Variants in LRP11 observed in about 807,000 individuals in gnomAD.
The protein encoded by LRP11 is LDL receptor related protein 11, also known as low-density lipoprotein receptor-related protein 11.
A neutral mutation model predicts 43.1 loss-of-function variants in LRP11; 25 were observed. The observed-to-expected ratio is 0.58, with a 90% CI of 0.42 to 0.81. LRP11 has a LOEUF of 0.81. Among genes scored for constraint, LRP11 ranks in the 30% least tolerant of loss-of-function variants. LRP11 has a pLI of 0.00. For synonymous variants in LRP11, 316 were observed against 299.4 expected, an observed-to-expected ratio of 1.06 and a Z score of -0.57; for missense variants, 623 against 665.1, an observed-to-expected ratio of 0.94 and a Z score of 0.70.
At position 149,819,109 on chromosome 6, in the gene LRP11, C is replaced by G. The variant is rs1277971553; in HGVS notation, c.*1440G>C. On this transcript the variant is annotated 3_prime_UTR_variant, in exon 7 of 7. Coordinates refer to ENST00000239367, the MANE Select transcript of LRP11 (RefSeq NM_032832.6). Reference sequence around the variant, plus strand: ...TAAACATTCAACAAAATTAGCTTCCCAAGAAACAAAAATGATACCCAATTT... The same window carrying G: ...TAAACATTCAACAAAATTAGCTTCCGAAGAAACAAAAATGATACCCAATTT... 6.6e-6 allele frequency: 1 copy of G among 152,126 alleles called. No homozygotes were observed. The highest frequency in any genetic ancestry group is 2.4e-5 in the African/African-American group (1 of 41,428). 9.4% of individuals were successfully genotyped at this position (152,126 alleles called of 1,614,324 possible).
intron 5 of LRP11, among the ~76,000 whole-genome samples, chr6:149,835,241 G>A (rs1776456145): frequency 6.6e-6 from 1 of 152,196 alleles, no homozygotes. Context: ...AGCCTCCAGA[G>A]TAGCTGGGAT....
intron 2 of LRP11, among the ~76,000 whole-genome samples, chr6:149,850,756 G>A (rs1206599820): frequency 6.6e-6 from 1 of 152,116 alleles, no homozygotes; most frequent in Non-Finnish European, 1.5e-5. Flanking sequence ...GAATCATTTG[G>A]TTACTATCAG....
At chr6:149,855,872 C>T (rs1776791325) in intron 1 of LRP11, among the ~76,000 whole-genome samples, 1 of 152,166 alleles carries the variant, frequency 6.6e-6, no homozygotes, top group South Asian at 2.1e-4. Context: ...TAGGAAGAAA[C>T]TTGTTCTTCT....
chr6:149,832,808 AT>A (rs753746108), intron 5 of LRP11, among the ~76,000 whole-genome samples: 20 of 145,826 alleles, frequency 1.4e-4, no homozygotes, highest in Admixed American at 4.8e-4. Context: ...TTTTATTTTT[AT>A]TTTTTTATTT....
intron 6 of LRP11, among the ~76,000 whole-genome samples, chr6:149,822,553 T>C (rs1776289972): frequency 6.6e-6 from 1 of 150,504 alleles, no homozygotes; most frequent in South Asian, 2.1e-4. Context: ...TGTTAAGTGG[T>C]AGAGCTAGCA....
chr6:149,846,507 G>A (rs1369764863), intron 2 of LRP11, among the ~76,000 whole-genome samples: 7 of 152,198 alleles, frequency 4.6e-5, no homozygotes, highest in Admixed American at 4.6e-4. Flanking sequence ...CCCCTGCCAT[G>A]GTATGTGAGT....
chr6:149,820,735 C>T (rs750243735), intron 6 of LRP11, 32 bp from the exon 7 acceptor site: 12 of 777,802 alleles, frequency 1.5e-5, no homozygotes, highest in South Asian at 1.5e-4. Context: ...AGAGGGCAAG[C>T]CAGTGATTAG....
rs1177229860 is a variant in LRP11 at position 149,864,166 on chromosome 6, C to T, written c.-146G>A. On this transcript the variant is annotated 5_prime_UTR_variant, in exon 1 of 7. Transcript: ENST00000239367. ...CCTCACAGCGCGGCGCCCCCGAACC[C>T]GGCTGCTCCCCCGAGGTCGCGGGCG... 49 of 1,142,912 alleles carry T rather than the reference C, an allele frequency of 4.3e-5. No individual in the cohort carries two copies. Among genetic ancestry groups the T allele is most frequent in the Non-Finnish European group, 4.9e-5 (46 of 931,954 alleles). The allele number at this position is 1,142,912 out of a possible 1,614,324, so 70.8% of individuals were successfully genotyped here.
At chr6:149,832,810 T>G (rs1411560659) in intron 5 of LRP11, among the ~76,000 whole-genome samples, 1 of 149,550 alleles carries the variant, frequency 6.7e-6, no homozygotes, top group Admixed American at 6.7e-5. Flanking sequence ...TTATTTTTAT[T>G]TTTTTATTTT....
intron 6 of LRP11, among the ~76,000 whole-genome samples, chr6:149,822,436 AG>A (rs915813288): frequency 2.7e-5 from 4 of 150,896 alleles, no homozygotes; most frequent in African/African-American, 9.7e-5. Context: ...TGAGTCTGGG[AG>A]GTAGAGGCTT....
chr6:149,853,795 A>T (rs1378787885), intron 1 of LRP11, among the ~76,000 whole-genome samples: 1 of 152,224 alleles, frequency 6.6e-6, no homozygotes, highest in Non-Finnish European at 1.5e-5. Context: ...TAGCAGCGTG[A>T]GCCACTGCGC....
rs945302969 is a variant in LRP11, at chr6:149,819,122, T to C, written c.*1427A>G. 1 of 152,186 alleles carries C rather than the reference T, an allele frequency of 6.6e-6. No homozygotes were observed. Among genetic ancestry groups the C allele is most frequent in the Non-Finnish European group, 1.5e-5 (1 of 68,026 alleles). The allele number at this position is 152,186 out of a possible 1,614,324, so 9.4% of individuals were successfully genotyped here. On this transcript the variant is annotated 3_prime_UTR_variant, in exon 7 of 7. Transcript: ENST00000239367. ...AAATTAGCTTCCCAAGAAACAAAAATGATACCCAATTTCTTTGCTTTTCTA... is the reference window on the plus strand; with the variant it reads ...AAATTAGCTTCCCAAGAAACAAAAACGATACCCAATTTCTTTGCTTTTCTA...
intron 3 of LRP11, 58 bp from the exon 4 acceptor site, chr6:149,837,521 G>A (rs1000659232): frequency 6.4e-7 from 1 of 1,570,694 alleles, no homozygotes. Context: ...CTCAAGATGG[G>A]GATGACAAAG....
At chr6:149,828,338 T>A (rs186516209) in intron 5 of LRP11, among the ~76,000 whole-genome samples, 1 of 152,172 alleles carries the variant, frequency 6.6e-6, no homozygotes, top group Admixed American at 6.5e-5. Context: ...TTTTTACTGC[T>A]AGTAGACAGA....
At chr6:149,840,326 G>C (rs1455562657) in intron 3 of LRP11, among the ~76,000 whole-genome samples, 3 of 152,146 alleles carry the variant, frequency 2.0e-5, no homozygotes, top group African/African-American at 7.2e-5. Context: ...ATTCTAGACA[G>C]CAGTTAGTAC....
chr6:149,830,716 T>A (rs564264342), intron 5 of LRP11, among the ~76,000 whole-genome samples: 34 of 152,278 alleles, frequency 2.2e-4, no homozygotes, highest in South Asian at 8.3e-4. Flanking sequence ...TTAAGAAAAA[T>A]TTTTTTAAAC....
chr6:149,847,931 T>A lies in LRP11; in HGVS notation c.772-4807A>T, dbSNP rs953040022. ...AGTAATACCTGTCTATTTAAAAAAA[T>A]TATGTACAGCAGGTAGGCCAGGATG... On this transcript the variant is annotated intron_variant, in intron 2 of 6. Transcript: ENST00000239367. 2.7e-5 allele frequency among the ~76,000 whole-genome samples: 4 copies of A among 149,080 alleles called. 1 individual carries two copies. Among genetic ancestry groups the A allele is most frequent in the Non-Finnish European group, 5.9e-5 (4 of 67,454 alleles).
At chr6:149,835,384 G>C (rs1405197109) in intron 5 of LRP11, among the ~76,000 whole-genome samples, 1 of 152,198 alleles carries the variant, frequency 6.6e-6, no homozygotes, top group Admixed American at 6.5e-5. Context: ...CAGATTGCTT[G>C]AGCCCAAGAG....
intron 1 of LRP11, among the ~76,000 whole-genome samples, chr6:149,863,126 G>T (rs1776951386): frequency 6.6e-6 from 1 of 152,088 alleles, no homozygotes; most frequent in Non-Finnish European, 1.5e-5. Context: ...TTTTCTCTCA[G>T]CATTTCTCCC....
Sources: gnomAD v4.1 joint callset for allele counts (sites outside exome capture counted in the v4.1 genomes callset) on GRCh38, gnomAD v4.1.1 for gene constraint, MANE v1.5 for transcripts, NCBI Gene and HGNC (gene_info 2026-07-23, HGNC 2026-07-21) for gene names.